DISC1: variants seen among roughly 807,000 people sequenced by gnomAD.
DISC1 encodes the protein DISC1 scaffold protein, also known as disrupted in schizophrenia 1 protein.
A neutral mutation model predicts 84.5 loss-of-function variants in DISC1; 57 were observed. The ratio of observed to expected loss-of-function variants is 0.67; its 90% CI spans 0.55 to 0.84. The LOEUF (loss-of-function observed/expected upper bound fraction) is 0.84, where lower values mean the gene tolerates loss of function less well. Ranked by LOEUF, DISC1 falls within the 40% of genes least tolerant of loss-of-function variation. DISC1 has a pLI of 0.00. For missense variants in DISC1, 1,000 were observed against 1,057.8 expected (o/e 0.95, Z 0.76); for synonymous variants, 411 against 415.2 (o/e 0.99, Z 0.12).
intron 10 of DISC1, among the ~76,000 whole-genome samples, chr1:231,968,648 A>C (rs1016545295): frequency 2.0e-5 from 3 of 151,866 alleles, no homozygotes; most frequent in South Asian, 2.1e-4. Context: ...CACACACACA[A>C]AAACCTGTTT....
intron 9 of DISC1, among the ~76,000 whole-genome samples, chr1:231,860,919 T>C (rs2084595417): frequency 6.6e-6 from 1 of 152,242 alleles, no homozygotes. Flanking sequence ...TGGGATGAGT[T>C]TGGCAGAATT....
chr1:232,019,855 T>C (rs920052412), intron 11 of DISC1, among the ~76,000 whole-genome samples: 2 of 152,176 alleles, frequency 1.3e-5, no homozygotes, highest in African/African-American at 4.8e-5. Context: ...CAGATTGTCA[T>C]GGCTGTTATC....
At chr1:231,953,684 T>C (rs1658888253) in intron 9 of DISC1, among the ~76,000 whole-genome samples, 1 of 152,228 alleles carries the variant, frequency 6.6e-6, no homozygotes, top group Admixed American at 6.5e-5. Flanking sequence ...TGACTTATTT[T>C]CATAAATGTA....
rs1242235582 is a variant in DISC1, at chr1:231,779,794, C to T, written c.1634+8724C>T. Reference sequence around the variant, plus strand: ...CAGGATGGTCTCAATCTCCTGACCTCGTGATCCACCTGCCTCGGTCTCCCA... The same window carrying T: ...CAGGATGGTCTCAATCTCCTGACCTTGTGATCCACCTGCCTCGGTCTCCCA... On this transcript the variant is annotated intron_variant, in intron 6 of 12. Transcript: ENST00000439617. Among the ~76,000 whole-genome samples the T allele has an allele frequency of 1.3e-5, 2 of 152,052 alleles. 1 individual carries two copies. The highest frequency in any genetic ancestry group is 4.2e-4 in the South Asian group (2 of 4,810).
At position 231,859,905 on chromosome 1, in the gene DISC1, TC is replaced by T. The variant is rs1315047334; in HGVS notation, c.1981+41390del. Among the ~76,000 whole-genome samples, 3 of 152,264 alleles carry T rather than the reference TC, an allele frequency of 2.0e-5. No homozygotes were observed. The East Asian group carries it at 5.8e-4, about 29-fold the overall frequency. ...TTTTCGTTGGGGCTCCTCTTTCCCA[TC>T]CATGTATTGTTCCAGCAGTACAAAG... On this transcript the variant is annotated intron_variant, in intron 9 of 12. Transcript: ENST00000439617.
At chr1:231,975,354 A>G (rs1450376579) in intron 10 of DISC1, among the ~76,000 whole-genome samples, 2 of 152,150 alleles carry the variant, frequency 1.3e-5, no homozygotes, top group African/African-American at 4.8e-5. Flanking sequence ...AGAAAAGAAG[A>G]CCCTTATACA....
chr1:231,638,188 G>T (rs1341678866), intron 1 of DISC1, among the ~76,000 whole-genome samples: 1 of 152,040 alleles, frequency 6.6e-6, no homozygotes, highest in Non-Finnish European at 1.5e-5. Context: ...GAATTATTTT[G>T]TTGTTGTTGT....
At chr1:231,949,212 T>A (rs1657875710) in intron 9 of DISC1, among the ~76,000 whole-genome samples, 1 of 152,158 alleles carries the variant, frequency 6.6e-6, no homozygotes, top group Admixed American at 6.5e-5. Flanking sequence ...CACCCATGTA[T>A]CTATCACCTG....
At chr1:231,996,766 T>C (rs1666017740) in intron 10 of DISC1, among the ~76,000 whole-genome samples, 1 of 152,142 alleles carries the variant, frequency 6.6e-6, no homozygotes, top group Non-Finnish European at 1.5e-5. Context: ...CCCATTTTAC[T>C]TCCAACTGGC....
chr1:231,991,653 GA>G (rs1482570362), intron 10 of DISC1, among the ~76,000 whole-genome samples: 7 of 152,086 alleles, frequency 4.6e-5, no homozygotes, highest in Non-Finnish European at 1.0e-4. Flanking sequence ...TGCTTTGGCA[GA>G]ATTACAAAAG....
rs1246094268 is a variant in DISC1, at chr1:231,770,710, T to C, written c.1399-125T>C. 2.0e-6 allele frequency: 3 copies of C among 1,501,850 alleles called. No individual in the cohort carries two copies. In the African/African-American group the frequency reaches 4.2e-5, roughly 21 times the overall value. 93.0% of individuals were successfully genotyped at this position (1,501,850 alleles called of 1,614,324 possible). Reference sequence around the variant, plus strand: ...GCAAACCTCCAAAAATCTGCCTGCCTCAGAAGGGGAGTTTTGTAGTTCTGG... The same window carrying C: ...GCAAACCTCCAAAAATCTGCCTGCCCCAGAAGGGGAGTTTTGTAGTTCTGG... On this transcript the variant is annotated intron_variant, in intron 5 of 12. Transcript: ENST00000439617.
chr1:231,683,726 G>A (rs1486364653), intron 1 of DISC1, among the ~76,000 whole-genome samples: 1 of 151,278 alleles, frequency 6.6e-6, no homozygotes, highest in Non-Finnish European at 1.5e-5. Context: ...AACCCTCCTG[G>A]CTTTCCCACT....
intron 9 of DISC1, among the ~76,000 whole-genome samples, chr1:231,918,357 A>C (rs2089779557): frequency 6.6e-6 from 1 of 152,242 alleles, no homozygotes; most frequent in African/African-American, 2.4e-5. Flanking sequence ...CTCAGAGCTG[A>C]ATGGTAGCCT....
intron 9 of DISC1, chr1:231,854,960 C>A: frequency 1.0e-6 from 1 of 961,176 alleles, no homozygotes; most frequent in African/African-American, 1.7e-5. Flanking sequence ...AAGTGATCCA[C>A]CTTCCTCAGC....
intron 9 of DISC1, among the ~76,000 whole-genome samples, chr1:231,952,724 T>A (rs1658704895): frequency 6.7e-6 from 1 of 148,158 alleles, no homozygotes; most frequent in Admixed American, 6.8e-5. Flanking sequence ...TGTATATATA[T>A]ATATAAACTT....
chr1:231,659,651 G>C (rs2061415525), intron 1 of DISC1, among the ~76,000 whole-genome samples: 1 of 152,102 alleles, frequency 6.6e-6, no homozygotes, highest in African/African-American at 2.4e-5. Flanking sequence ...CTTTACCTGT[G>C]TCCCAGAGAT....
chr1:231,664,414 A>G (rs960292177), intron 1 of DISC1, among the ~76,000 whole-genome samples: 1 of 152,176 alleles, frequency 6.6e-6, no homozygotes, highest in African/African-American at 2.4e-5. Flanking sequence ...CAATCCTGGA[A>G]CCTATGAATA....
At chr1:232,015,435 G>T (rs1024824761) in intron 11 of DISC1, among the ~76,000 whole-genome samples, 2 of 152,140 alleles carry the variant, frequency 1.3e-5, no homozygotes, top group Non-Finnish European at 2.9e-5. Context: ...GAATGGCAAG[G>T]ACTCATTTTC....
intron 9 of DISC1, among the ~76,000 whole-genome samples, chr1:231,955,368 C>T (rs1254089179): frequency 3.3e-5 from 5 of 152,222 alleles, no homozygotes; most frequent in African/African-American, 1.2e-4. Context: ...TTAACAAATC[C>T]AAAGCCAAAT....
Sources: gnomAD v4.1 joint callset for allele counts (sites outside exome capture counted in the v4.1 genomes callset) on GRCh38, gnomAD v4.1.1 for gene constraint, MANE v1.5 for transcripts, NCBI Gene and HGNC (gene_info 2026-07-23, HGNC 2026-07-21) for gene names.